Variants in PURG observed in about 807,000 individuals in gnomAD.
PURG encodes purine rich element binding protein G.
Under a neutral mutation model 24.3 loss-of-function variants are expected in PURG, and 3 were observed. The ratio of observed to expected loss-of-function variants is 0.12; its 90% CI spans 0.06 to 0.32. The LOEUF (loss-of-function observed/expected upper bound fraction) is 0.32. Among genes scored for constraint, PURG ranks in the 10% least tolerant of loss-of-function variants. PURG has a pLI of 1.00. For synonymous variants in PURG, 180 were observed against 173.1 expected (o/e 1.04, Z -0.31); for missense variants, 371 against 439.1 (o/e 0.84, Z 1.39).
chr8:31,027,464 A>G (rs1470336101), downstream of PURG, among the ~76,000 whole-genome samples: 2 of 151,812 alleles, frequency 1.3e-5, no homozygotes, highest in Non-Finnish European at 3.0e-5. Flanking sequence ...TTTAAATATT[A>G]AAATATACCA....
At chr8:31,004,342 A>T (rs1204224443) in intron 1 of PURG, among the ~76,000 whole-genome samples, 1 of 152,230 alleles carries the variant, frequency 6.6e-6, no homozygotes, top group Non-Finnish European at 1.5e-5. Context: ...AGGCATCACC[A>T]TATTGATAAA....
intron 1 of PURG, among the ~76,000 whole-genome samples, chr8:31,025,012 C>T (rs1476405097): frequency 6.6e-6 from 1 of 151,910 alleles, no homozygotes; most frequent in Non-Finnish European, 1.5e-5. Context: ...CAATATTAAA[C>T]AGGAAAGTAT....
intron 1 of PURG, among the ~76,000 whole-genome samples, chr8:31,001,604 G>A (rs1329874505): frequency 6.6e-6 from 1 of 152,056 alleles, no homozygotes; most frequent in Non-Finnish European, 1.5e-5. Flanking sequence ...CCAGAGAAAT[G>A]GTTAGCTCAT....
chr8:31,007,316 A>C (rs1810673291), intron 1 of PURG, among the ~76,000 whole-genome samples: 1 of 152,222 alleles, frequency 6.6e-6, no homozygotes, highest in African/African-American at 2.4e-5. Flanking sequence ...GTTTTATGAC[A>C]GTCACTGGGG....
At chr8:30,996,366 A>T (rs1460954161) in exon 2 of PURG, 1 of 344,714 alleles carries the variant, frequency 2.9e-6, no homozygotes, top group Non-Finnish European at 5.3e-6. Context: ...GGCTTGATGA[A>T]TTAAAAAAAA....
exon 2 of PURG, chr8:30,996,612 G>A: frequency 6.2e-7 from 1 of 1,608,838 alleles, no homozygotes; most frequent in East Asian, 2.2e-5. Flanking sequence ...AACTGTTTTT[G>A]TAGTATCATG....
chr8:30,997,290 T>A (rs993096255), intron 1 of PURG, among the ~76,000 whole-genome samples: 4 of 151,820 alleles, frequency 2.6e-5, no homozygotes, highest in African/African-American at 7.2e-5. Context: ...GGAAAATATT[T>A]AGCATCACAG....
chr8:31,030,106 C>T (rs541992280), downstream of PURG, among the ~76,000 whole-genome samples: 7 of 151,908 alleles, frequency 4.6e-5, no homozygotes, highest in African/African-American at 1.7e-4. Flanking sequence ...TAATTCATAC[C>T]ATCAAGTTTT....
chr8:31,010,023 A>G (rs889548854), intron 1 of PURG, among the ~76,000 whole-genome samples: 5 of 152,068 alleles, frequency 3.3e-5, no homozygotes, highest in African/African-American at 1.2e-4. Flanking sequence ...CTTAAGCCCC[A>G]GAAGTCAAGG....
chr8:30,996,550 C>T (rs374367110), exon 2 of PURG: 2 of 1,425,144 alleles, frequency 1.4e-6, no homozygotes, highest in Non-Finnish European at 9.8e-7. Context: ...ATTTCTTTCA[C>T]CGAATGCCTT....
chr8:31,032,826 G>A lies in PURG; in HGVS notation c.-6-38C>T. On this transcript the variant is annotated intron_variant, in intron 1 of 1. Coordinates refer to ENST00000523392, the MANE Select transcript of PURG (RefSeq NM_001323311.2). The surrounding 1 kb of genome is among the most constrained non-coding windows in gnomAD (Gnocchi z 5.9). ...AACAGACACACGGGATGGGGTGGGG[G>A]AGGGGTGTTGAGAACAATCGCAGAC... 2.3e-6 allele frequency: 3 copies of A among 1,327,540 alleles called. No homozygotes were observed. In the Admixed American group the frequency reaches 9.6e-5, roughly 42 times the overall value. The allele number at this position is 1,327,540 out of a possible 1,614,324, so 82.2% of individuals were successfully genotyped here. A position where few individuals can be genotyped will look rare whatever the true frequency, so the allele number is the denominator to read the frequency against.
At chr8:30,997,233 C>A (rs1810446963) in intron 1 of PURG, among the ~76,000 whole-genome samples, 1 of 151,692 alleles carries the variant, frequency 6.6e-6, no homozygotes. Context: ...CCCACTAGGA[C>A]CAACATCTTT....
At chr8:31,005,367 G>C (rs1332642002) in intron 1 of PURG, among the ~76,000 whole-genome samples, 3 of 151,708 alleles carry the variant, frequency 2.0e-5, no homozygotes, top group Non-Finnish European at 4.4e-5. Context: ...TGGGAGGTGG[G>C]GGTTGCAGCG....
downstream of PURG, among the ~76,000 whole-genome samples, chr8:31,026,075 T>A (rs1406070151): frequency 6.6e-6 from 1 of 151,996 alleles, no homozygotes; most frequent in African/African-American, 2.4e-5. Flanking sequence ...GGCTTCATGC[T>A]AATAAAGTAT....
chr8:31,005,243 G>A (rs965461574), intron 1 of PURG, among the ~76,000 whole-genome samples: 9 of 152,018 alleles, frequency 5.9e-5, no homozygotes, highest in African/African-American at 1.7e-4. Context: ...GACCAGCCTG[G>A]GCAACATGGT....
At chr8:31,011,451 T>G (rs1810762288) in intron 1 of PURG, among the ~76,000 whole-genome samples, 2 of 152,220 alleles carry the variant, frequency 1.3e-5, no homozygotes, top group African/African-American at 4.8e-5. Context: ...GAATTATTGT[T>G]TAAAATAGTA....
In PURG at chr8:31,032,711, G is replaced by T; in HGVS notation, c.72C>A (p.Gly24=). ...GGGGATAGAGTCTACTCTTGCTTAG[G>T]CCAGAGCCCCCTACATTCTTGCCTC... ...GRGGKNVGGS[G]LSKSRLYPQA... Residue 24 remains glycine (G), a synonymous_variant, in exon 2 of 2, where the codon GGC becomes GGA. Coordinates refer to ENST00000523392, the MANE Select transcript of PURG (RefSeq NM_001323311.2). The surrounding 1 kb of genome is among the most constrained non-coding windows in gnomAD (Gnocchi z 5.9). 2.0e-6 allele frequency: 3 copies of T among 1,497,146 alleles called. No individual in the cohort carries two copies. Among genetic ancestry groups the T allele is most frequent in the South Asian group, 1.4e-5 (1 of 71,878 alleles). The allele number at this position is 1,497,146 out of a possible 1,614,324, so 92.7% of individuals were successfully genotyped here. A position where few individuals can be genotyped will look rare whatever the true frequency, so the allele number is the denominator to read the frequency against.
Position 31,032,260 on chromosome 8 carries a change from A to G in PURG, c.523T>C (p.Tyr175His). 1 of 1,613,660 alleles carries G rather than the reference A, an allele frequency of 6.2e-7. No homozygotes were observed. Among genetic ancestry groups the G allele is most frequent in the Non-Finnish European group, 8.5e-7 (1 of 1,179,924 alleles). The change falls in exon 2 of 2, where the codon TAT becomes CAT. Residue 175 changes from tyrosine (Y) to histidine (H), a missense_variant. This residue lies in a region of PURG where 213 missense variants were observed against 230.6 expected (regional missense o/e 0.92). Transcript: ENST00000523392. The surrounding 1 kb of genome is among the most constrained non-coding windows in gnomAD (Gnocchi z 5.9). ...EHPHSVLKTD[Y>H]IERDNRKYYL... ...TATTTCCTATTGTCCCTCTCGATATAGTCTGTTTTCAGGACACTGTGAGGA... is the reference window on the plus strand; with the variant it reads ...TATTTCCTATTGTCCCTCTCGATATGGTCTGTTTTCAGGACACTGTGAGGA...
At chr8:31,013,913 G>A (rs1350247553) in intron 1 of PURG, among the ~76,000 whole-genome samples, 1 of 152,028 alleles carries the variant, frequency 6.6e-6, no homozygotes, top group African/African-American at 2.4e-5. Context: ...AAGAGTGAGA[G>A]GAGCGCTGAA....
Sources: allele counts gnomAD v4.1 joint callset (sites outside exome capture counted in the v4.1 genomes callset), GRCh38; gene constraint gnomAD v4.1.1; regional missense constraint gnomAD v4.1.1; non-coding constraint Gnocchi (gnomAD v3.1); transcripts MANE v1.5; gene names NCBI Gene and HGNC (gene_info 2026-07-23, HGNC 2026-07-21).